The following APBB2 variants were observed in gnomAD, a reference collection of about 807,000 sequenced individuals.
APBB2 encodes the protein Fe65-like 1.
In APBB2, 38 loss-of-function variants were observed where a neutral mutation model predicts 82.5. That is an observed-to-expected ratio of 0.46 (90% CI 0.36 to 0.60). APBB2 has a LOEUF of 0.60. APBB2 is among the 20% of genes least tolerant of loss of function. The pLI is 0.00. For synonymous variants in APBB2, 341 were observed against 368.2 expected (o/e 0.93, Z 0.85); for missense variants, 772 against 972.3 (o/e 0.79, Z 2.74).
chr4:40,969,858 C>CT (rs1482581823), intron 6 of APBB2, among the ~76,000 whole-genome samples: 1 of 152,178 alleles, frequency 6.6e-6, no homozygotes, highest in Non-Finnish European at 1.5e-5. Context: ...TTTAAAATCC[C>CT]TTTAAGTAAT....
intron 2 of APBB2, among the ~76,000 whole-genome samples, chr4:41,117,299 T>TA (rs1560796553): frequency 6.1e-5 from 9 of 148,630 alleles, no homozygotes; most frequent in East Asian, 5.8e-4. Flanking sequence ...ATTATTATTT[T>TA]TTTTTTTTTT....
chr4:40,831,159 A>G (rs1751758331), intron 12 of APBB2, among the ~76,000 whole-genome samples: 1 of 152,008 alleles, frequency 6.6e-6, no homozygotes, highest in Admixed American at 6.6e-5. Context: ...CAGCACTGGG[A>G]GGCCGAGGTG....
intron 7 of APBB2, 64 bp from the exon 8 acceptor site, chr4:40,935,203 A>AAAAG (rs1491211066): frequency 2.2e-3 from 161 of 72,370 alleles, no homozygotes; most frequent in Non-Finnish European, 3.4e-3. Flanking sequence ...AAAAGAAAAG[A>AAAAG]AAAAAAAAAA....
intron 12 of APBB2, among the ~76,000 whole-genome samples, chr4:40,844,067 A>G (rs745364322): frequency 6.6e-6 from 1 of 152,208 alleles, no homozygotes; most frequent in Non-Finnish European, 1.5e-5. Flanking sequence ...GGAACAGGGA[A>G]CATTCCTCTC....
intron 2 of APBB2, among the ~76,000 whole-genome samples, chr4:41,133,483 A>G (rs1170774683): frequency 6.6e-6 from 1 of 152,210 alleles, no homozygotes; most frequent in Non-Finnish European, 1.5e-5. Context: ...TAGACAACAC[A>G]GACTCCGTGA....
rs369914905 is a variant in APBB2 at position 40,944,985 on chromosome 4, A to G, written c.924T>C (p.Tyr308=). Residue 308 remains tyrosine (Y), a synonymous_variant, in exon 7 of 18, where the codon TAT becomes TAC. Coordinates refer to ENST00000508593, the MANE Select transcript of APBB2 (RefSeq NM_004307.2). The stretch of plus-strand genomic sequence containing the variant: ...GAGTCGTTCCTGTTGGGATGTGCCA[A>G]TAATAGGTCCCGGCAATGTCACTGA... The part of the protein sequence containing the change: ...KRVSDIAGTY[Y]WHIPTGTTQW... 7.0e-5 allele frequency: 113 copies of G among 1,612,456 alleles called. 1 individual carries two copies. The highest frequency in any genetic ancestry group is 1.8e-4 in the East Asian group (8 of 44,802).
intron 6 of APBB2, among the ~76,000 whole-genome samples, chr4:40,952,254 T>C (rs1790403534): frequency 6.6e-6 from 1 of 150,944 alleles, no homozygotes; most frequent in Admixed American, 6.6e-5. Flanking sequence ...AGAAGGTCAG[T>C]TAGGCTCCCT....
intron 17 of APBB2, among the ~76,000 whole-genome samples, chr4:40,818,838 CT>C (rs1746749639): frequency 6.6e-6 from 1 of 152,214 alleles, no homozygotes; most frequent in South Asian, 2.1e-4. Flanking sequence ...TCAAATGCCT[CT>C]TTTCTACGCC....
At chr4:41,162,387 AC>A (rs1320424237) in intron 1 of APBB2, among the ~76,000 whole-genome samples, 1 of 151,644 alleles carries the variant, frequency 6.6e-6, no homozygotes, top group Non-Finnish European at 1.5e-5. Flanking sequence ...GATCAATTGT[AC>A]CATGGGGACG....
chr4:40,863,110 G>A (rs186663500), intron 12 of APBB2, among the ~76,000 whole-genome samples: 56 of 152,248 alleles, frequency 3.7e-4, no homozygotes, highest in African/African-American at 1.1e-3. Flanking sequence ...TCTGTGTCCC[G>A]CACTGCATTC....
At chr4:40,991,010 CATTTT>C (rs1008622543) in intron 6 of APBB2, among the ~76,000 whole-genome samples, 1 of 128,652 alleles carries the variant, frequency 7.8e-6, no homozygotes, top group Non-Finnish European at 1.6e-5. Flanking sequence ...GACTGAGTTT[CATTTT>C]TTTTTTTTTT....
At chr4:41,184,882 A>G (rs1284389406) in intron 1 of APBB2, among the ~76,000 whole-genome samples, 2 of 152,212 alleles carry the variant, frequency 1.3e-5, no homozygotes, top group African/African-American at 4.8e-5. Flanking sequence ...AACCTGCATC[A>G]CAGCTCAGCT....
rs1273453603 is a variant in APBB2 at position 40,814,896 on chromosome 4, A to G, written c.*1196T>C. 1 of 151,688 alleles carries G rather than the reference A, an allele frequency of 6.6e-6. No homozygotes were observed. The highest frequency in any genetic ancestry group is 2.4e-5 in the African/African-American group (1 of 41,284). The allele number at this position is 151,688 out of a possible 1,614,324, so 9.4% of individuals were successfully genotyped here. On this transcript the variant is annotated 3_prime_UTR_variant, in exon 18 of 18. Coordinates refer to ENST00000508593, the MANE Select transcript of APBB2 (RefSeq NM_004307.2). ...ATCTTCAAAGTAAAATGGAAAAAATATAAATTAAAAAATATATCTAGTTGA... is the reference window on the plus strand; with the variant it reads ...ATCTTCAAAGTAAAATGGAAAAAATGTAAATTAAAAAATATATCTAGTTGA...
chr4:41,035,002 G>C (rs1025860510), intron 4 of APBB2, among the ~76,000 whole-genome samples: 2 of 152,170 alleles, frequency 1.3e-5, no homozygotes, highest in Non-Finnish European at 2.9e-5. Flanking sequence ...CAGGATGATG[G>C]GGGTGGGGTA....
intron 6 of APBB2, among the ~76,000 whole-genome samples, chr4:40,990,650 C>A (rs111517823): frequency 2.0e-5 from 3 of 152,180 alleles, no homozygotes; most frequent in African/African-American, 7.2e-5. Context: ...TTCACCCCAA[C>A]GTAACCCAGA....
intron 4 of APBB2, among the ~76,000 whole-genome samples, chr4:41,042,410 G>C (rs1306179126): frequency 2.0e-5 from 3 of 152,200 alleles, no homozygotes. Flanking sequence ...AGAGGACTAA[G>C]TTAATGACCC....
intron 6 of APBB2, among the ~76,000 whole-genome samples, chr4:40,975,787 C>CACACACACACACACACA (rs778948957): frequency 6.0e-5 from 9 of 150,440 alleles, no homozygotes; most frequent in Admixed American, 2.6e-4. Flanking sequence ...CACACACACA[C>CACACACACACACACACA]ACAACAACCA....
rs111449205 is a variant in APBB2, at chr4:41,017,716, C to A, written c.20-3318G>T. 7.3e-3 allele frequency among the ~76,000 whole-genome samples: 1,115 copies of A among 152,174 alleles called. 11 individuals carry two copies. The highest frequency in any genetic ancestry group is 0.011 in the Non-Finnish European group (737 of 68,024). On this transcript the variant is annotated intron_variant, in intron 5 of 17. Coordinates refer to ENST00000508593, the MANE Select transcript of APBB2 (RefSeq NM_004307.2). ...ATAGCGCGGGGCTGCCTACCAGGGC[C>A]CCCAGATTACCCCCCACTCTAATTG...
Position 41,007,656 on chromosome 4 carries a change from T to C in APBB2, c.835+5927A>G, listed in dbSNP as rs148381265. Among the ~76,000 whole-genome samples, 79 of 152,352 alleles carry C rather than the reference T, an allele frequency of 5.2e-4. No homozygotes were observed. The South Asian group carries it at 6.0e-3, about 12-fold the overall frequency. ...ACCCTATCTGAGTGTTCTAAACAAC[T>C]ATTTTATACAAATTGTTATTACTTT... On this transcript the variant is annotated intron_variant, in intron 6 of 17. Coordinates refer to ENST00000508593, the MANE Select transcript of APBB2 (RefSeq NM_004307.2).
Sources: gnomAD v4.1 joint callset for allele counts (sites outside exome capture counted in the v4.1 genomes callset) on GRCh38, gnomAD v4.1.1 for gene constraint, MANE v1.5 for transcripts, NCBI Gene and HGNC (gene_info 2026-07-23, HGNC 2026-07-21) for gene names.